The following CTNNA2 variants were observed in gnomAD, a reference collection of about 807,000 sequenced individuals.
CTNNA2 encodes the protein catenin alpha-2.
A neutral mutation model predicts 101.0 loss-of-function variants in CTNNA2; 42 were observed. That is an observed-to-expected ratio of 0.42 (90% confidence interval 0.32 to 0.54). The LOEUF (loss-of-function observed/expected upper bound fraction) is 0.54. CTNNA2 is among the 20% of genes least tolerant of loss of function. CTNNA2 has a pLI of 0.14. For missense variants in CTNNA2, 871 were observed against 1,223.1 expected, an observed-to-expected ratio of 0.71 and a Z score of 4.29; for synonymous variants, 450 against 456.4, an observed-to-expected ratio of 0.99 and a Z score of 0.18.
At chr2:79,636,327 G>A (rs1024731739) in intron 1 of CTNNA2, among the ~76,000 whole-genome samples, 10 of 150,770 alleles carry the variant, frequency 6.6e-5, no homozygotes, top group African/African-American at 2.4e-4. Context: ...AATAGATGTG[G>A]GAGTTTTCAG....
intron 7 of CTNNA2, among the ~76,000 whole-genome samples, chr2:80,147,909 A>C (rs1703450224): frequency 6.6e-6 from 1 of 152,206 alleles, no homozygotes; most frequent in African/African-American, 2.4e-5. Context: ...GCGGATGTAC[A>C]GGGGAAAGTT....
intron 18 of CTNNA2, among the ~76,000 whole-genome samples, chr2:80,644,785 A>C (rs1354781882): frequency 2.0e-5 from 3 of 152,178 alleles, no homozygotes; most frequent in Non-Finnish European, 4.4e-5. Context: ...CAAATTCAAG[A>C]TCTGCCTTAG....
intron 18 of CTNNA2, among the ~76,000 whole-genome samples, chr2:80,634,211 A>G (rs1010640241): frequency 2.0e-5 from 3 of 152,150 alleles, no homozygotes; most frequent in African/African-American, 7.2e-5. Flanking sequence ...AAATATGAGT[A>G]TATAAGAATA....
intron 13 of CTNNA2, chr2:80,575,110 A>G (rs1052794180): frequency 6.6e-6 from 1 of 152,286 alleles, no homozygotes; most frequent in Middle Eastern, 3.4e-3. Context: ...ATGTCCAAAC[A>G]TATTTATTAG....
At chr2:79,781,345 A>G (rs748721629) in intron 3 of CTNNA2, among the ~76,000 whole-genome samples, 4 of 152,178 alleles carry the variant, frequency 2.6e-5, no homozygotes, top group Admixed American at 6.5e-5. Context: ...CTGTTTTATC[A>G]GCAAGATCTT....
rs1558755342 is a variant in CTNNA2 at position 80,043,125 on chromosome 2, CCTTCCTTCCT to C, written c.1056+133329_1056+133338del. Among the ~76,000 whole-genome samples the C allele has an allele frequency of 9.0e-3, 247 of 27,360 alleles. 2 individuals carry two copies. Among genetic ancestry groups the C allele is most frequent in the Non-Finnish European group, 0.015 (211 of 14,384 alleles). The allele number at this position is 27,360 out of a possible 152,430, so 17.9% of individuals were successfully genotyped here. A position where few individuals can be genotyped will look rare whatever the true frequency, so the allele number is the denominator to read the frequency against. ...TCTCTCTCTCTCTTTCTTTCTCCTTCCTTCCTTCCTTCCTTCCTTCCTTCCTTCCTTCCTT... is the reference window on the plus strand; with the variant it reads ...TCTCTCTCTCTCTTTCTTTCTCCTTCTCCTTCCTTCCTTCCTTCCTTCCTT... On this transcript the variant is annotated intron_variant, in intron 7 of 18. Coordinates refer to ENST00000402739, the MANE Select transcript of CTNNA2 (RefSeq NM_001282597.3).
At chr2:79,490,645 C>T (rs1365349323) in intron 4 of CTNNA2, among the ~76,000 whole-genome samples, 1 of 152,112 alleles carries the variant, frequency 6.6e-6, no homozygotes, top group Non-Finnish European at 1.5e-5. Flanking sequence ...GCAAAAAGAA[C>T]ACAATGAATG....
chr2:79,782,734 T>C (rs1674546993), intron 3 of CTNNA2, among the ~76,000 whole-genome samples: 1 of 152,188 alleles, frequency 6.6e-6, no homozygotes, highest in South Asian at 2.1e-4. Flanking sequence ...GAAATGCAGC[T>C]GCCTCTAGGG....
intron 9 of CTNNA2, among the ~76,000 whole-genome samples, chr2:80,514,658 G>A (rs1399021686): frequency 6.6e-6 from 1 of 152,006 alleles, no homozygotes; most frequent in East Asian, 1.9e-4. Context: ...TTGAAGTCAG[G>A]CCGTCTCTGG....
intron 1 of CTNNA2, among the ~76,000 whole-genome samples, chr2:79,194,322 A>G (rs1390018827): frequency 3.3e-5 from 5 of 152,204 alleles, no homozygotes; most frequent in African/African-American, 1.2e-4. Flanking sequence ...AAGAAGGTGC[A>G]TCTACCAAGG....
At chr2:79,330,205 C>A (rs1676840024) in intron 3 of CTNNA2, among the ~76,000 whole-genome samples, 2 of 152,082 alleles carry the variant, frequency 1.3e-5, no homozygotes, top group African/African-American at 4.8e-5. Flanking sequence ...AAGAGCAGGT[C>A]TAGGTTTGGT....
In CTNNA2 at chr2:80,107,110, A is replaced by G. The variant is rs927507129; in HGVS notation, c.1056+197313A>G. On this transcript the variant is annotated intron_variant, in intron 7 of 18. Coordinates refer to ENST00000402739, the MANE Select transcript of CTNNA2 (RefSeq NM_001282597.3). Reference sequence around the variant, plus strand: ...CAGAGAAACTCTAGGCAGACAGGGCAGGTCCCTGGTGAAGTCCCACCTTCC... The same window carrying G: ...CAGAGAAACTCTAGGCAGACAGGGCGGGTCCCTGGTGAAGTCCCACCTTCC... 4.6e-5 allele frequency among the ~76,000 whole-genome samples: 7 copies of G among 152,306 alleles called. No homozygotes were observed. The South Asian group carries it at 1.2e-3, about 27-fold the overall frequency.
At chr2:79,808,460 G>C (rs1341589100) in intron 3 of CTNNA2, among the ~76,000 whole-genome samples, 1 of 152,178 alleles carries the variant, frequency 6.6e-6, no homozygotes, top group Non-Finnish European at 1.5e-5. Context: ...ATAGCTTGAA[G>C]GCCATAGTCA....
At chr2:79,300,798 C>T (rs1676090904) in intron 2 of CTNNA2, among the ~76,000 whole-genome samples, 1 of 152,148 alleles carries the variant, frequency 6.6e-6, no homozygotes, top group South Asian at 2.1e-4. Flanking sequence ...CTGTATTCCT[C>T]ATTATTGCTA....
intron 17 of CTNNA2, among the ~76,000 whole-genome samples, chr2:80,617,714 A>C (rs1698971329): frequency 6.6e-6 from 1 of 151,836 alleles, no homozygotes; most frequent in South Asian, 2.1e-4. Context: ...CTGCTCTCTC[A>C]TCTGCCAATT....
intron 6 of CTNNA2, among the ~76,000 whole-genome samples, chr2:79,877,402 A>G (rs1321882806): frequency 1.3e-5 from 2 of 152,208 alleles, no homozygotes; most frequent in Admixed American, 6.5e-5. Flanking sequence ...TAGATTTTCC[A>G]TCACTTCTGA....
At chr2:79,205,630 A>T (rs982475654) in intron 2 of CTNNA2, among the ~76,000 whole-genome samples, 2 of 152,206 alleles carry the variant, frequency 1.3e-5, no homozygotes, top group Admixed American at 1.3e-4. Flanking sequence ...GAAAGTCTGA[A>T]CTGATGATAA....
intron 12 of CTNNA2, among the ~76,000 whole-genome samples, chr2:80,563,941 A>G (rs1381052402): frequency 6.6e-6 from 1 of 152,136 alleles, no homozygotes; most frequent in Admixed American, 6.6e-5. Context: ...GCATGTGTGT[A>G]TGTATTGACT....
intron 4 of CTNNA2, among the ~76,000 whole-genome samples, chr2:79,412,349 T>C (rs1362316197): frequency 1.3e-5 from 2 of 150,620 alleles, no homozygotes; most frequent in South Asian, 2.1e-4. Flanking sequence ...GACAGAAAGT[T>C]AACAAGGATA....
Sources: gnomAD v4.1 joint callset for allele counts (sites outside exome capture counted in the v4.1 genomes callset) on GRCh38, gnomAD v4.1.1 for gene constraint, MANE v1.5 for transcripts, NCBI Gene and HGNC (gene_info 2026-07-23, HGNC 2026-07-21) for gene names.